Variants in VGLL4 observed in about 807,000 individuals in gnomAD.
VGLL4 encodes vestigial like family member 4, also known as transcription cofactor vestigial-like protein 4.
In VGLL4, 7 loss-of-function variants were observed where a neutral mutation model predicts 21.0. The observed-to-expected ratio is 0.33, with a 90% CI of 0.19 to 0.63. VGLL4 has a LOEUF of 0.63. Ranked by LOEUF, VGLL4 falls within the 20% of genes least tolerant of loss-of-function variation. VGLL4 has a pLI of 0.78. For missense variants in VGLL4, 394 were observed against 425.7 expected (o/e 0.93, Z 0.66); for synonymous variants, 222 against 173.2 (o/e 1.28, Z -2.21).
At chr3:11,717,087 A>G (rs887803399) in intron 1 of VGLL4, among the ~76,000 whole-genome samples, 13 of 152,006 alleles carry the variant, frequency 8.6e-5, no homozygotes, top group African/African-American at 3.1e-4. Flanking sequence ...CAAGAAGGCA[A>G]TACCCTGCCT....
intron 1 of VGLL4, chr3:11,610,781 T>C (rs2075046156): frequency 6.6e-6 from 1 of 152,226 alleles, no homozygotes; most frequent in African/African-American, 2.4e-5. Context: ...TTTCAAGGAA[T>C]CTAAATCATT....
At chr3:11,643,040 G>C (rs2075726550) in intron 1 of VGLL4, among the ~76,000 whole-genome samples, 1 of 152,202 alleles carries the variant, frequency 6.6e-6, no homozygotes, top group East Asian at 1.9e-4. Flanking sequence ...CCACAGCAGG[G>C]TACAGTAGAC....
intron 2 of VGLL4, among the ~76,000 whole-genome samples, chr3:11,579,382 C>T (rs2074159518): frequency 6.6e-6 from 1 of 152,188 alleles, no homozygotes; most frequent in Non-Finnish European, 1.5e-5. Flanking sequence ...AAAAACAGTA[C>T]TGAGAGCCTA....
chr3:11,591,163 G>A (rs1474021452), intron 2 of VGLL4, among the ~76,000 whole-genome samples: 1 of 152,188 alleles, frequency 6.6e-6, no homozygotes, highest in African/African-American at 2.4e-5. Context: ...AGAATCCTGG[G>A]TTGTTTTGTT....
At chr3:11,642,687 G>A (rs1445928277) in intron 1 of VGLL4, among the ~76,000 whole-genome samples, 3 of 152,248 alleles carry the variant, frequency 2.0e-5, no homozygotes, top group Non-Finnish European at 4.4e-5. Context: ...ACCAGAGACA[G>A]TTGGAAATAC....
chr3:11,558,259 G>A lies in VGLL4; in HGVS notation c.*297C>T, dbSNP rs7355828. ...GAAAGCGCTGTGGAGTCCTGGCCCC[G>A]TCGGGGCAGCAGACCTGCATCAGAG... is the stretch of plus-strand genomic sequence containing the variant. On this transcript the variant is annotated 3_prime_UTR_variant, in exon 5 of 5. Transcript: ENST00000430365. The A allele has an allele frequency of 0.022, 10,419 of 479,966 alleles. 206 individuals carry two copies. Among genetic ancestry groups the A allele is most frequent in the Middle Eastern group, 0.053 (96 of 1,808 alleles). The allele number at this position is 479,966 out of a possible 1,614,324, so 29.7% of individuals were successfully genotyped here.
chr3:11,712,570 T>C (rs941696724), intron 1 of VGLL4, among the ~76,000 whole-genome samples: 8 of 151,382 alleles, frequency 5.3e-5, no homozygotes, highest in African/African-American at 1.2e-4. Flanking sequence ...TTCTACAGAT[T>C]AAAAAAAAAG....
At chr3:11,636,080 A>C (rs2075581428) in intron 1 of VGLL4, among the ~76,000 whole-genome samples, 1 of 152,258 alleles carries the variant, frequency 6.6e-6, no homozygotes. Flanking sequence ...CTGACATTAA[A>C]ATAGAATTTT....
intron 2 of VGLL4, among the ~76,000 whole-genome samples, chr3:11,696,356 TG>T (rs2076606775): frequency 6.6e-6 from 1 of 152,246 alleles, no homozygotes; most frequent in Non-Finnish European, 1.5e-5. Flanking sequence ...TCACTCCCTT[TG>T]GTGAAACCTA....
At chr3:11,671,489 A>G in intron 2 of VGLL4, 1 of 658,388 alleles carries the variant, frequency 1.5e-6, no homozygotes, top group Non-Finnish European at 2.8e-6. Context: ...GTGTACAAAA[A>G]TCCATGCATA....
chr3:11,656,387 G>A (rs1018283191), intron 2 of VGLL4, among the ~76,000 whole-genome samples: 1 of 152,210 alleles, frequency 6.6e-6, no homozygotes, highest in Non-Finnish European at 1.5e-5. Context: ...GATCCACGGT[G>A]ACATATAAGG....
intron 2 of VGLL4, among the ~76,000 whole-genome samples, chr3:11,577,757 C>T (rs2074096960): frequency 6.6e-6 from 1 of 152,226 alleles, no homozygotes; most frequent in African/African-American, 2.4e-5. Context: ...CTACCTCCTT[C>T]CTAAAGGTTC....
intron 2 of VGLL4, among the ~76,000 whole-genome samples, chr3:11,598,150 A>G (rs757067136): frequency 8.6e-5 from 13 of 152,020 alleles, no homozygotes; most frequent in Non-Finnish European, 1.6e-4. Context: ...CAGCCTCCTG[A>G]GTAGCTGGGA....
At chr3:11,702,376 G>A (rs1190620407) in intron 2 of VGLL4, among the ~76,000 whole-genome samples, 26 of 150,492 alleles carry the variant, frequency 1.7e-4, no homozygotes, top group Admixed American at 1.3e-3. Flanking sequence ...TTGGGAGGCC[G>A]AGGTAGACGG....
rs1243437788 is a variant in VGLL4, at chr3:11,573,235, AAAAGAAATAGAG to A, written c.273-8228_273-8217del. Reference sequence around the variant, plus strand: ...GAGAGAGAGAAAGACAGACAGAAAGAAAAGAAATAGAGAAAGAAAGAAAGAAAGAAAGAAAGA... The same window carrying A: ...GAGAGAGAGAAAGACAGACAGAAAGAAAAGAAAGAAAGAAAGAAAGAAAGA... On this transcript the variant is annotated intron_variant, in intron 2 of 4. Transcript: ENST00000430365. Among the ~76,000 whole-genome samples the A allele has an allele frequency of 1.8e-3, 213 of 119,240 alleles. 26 individuals carry two copies. Among genetic ancestry groups the A allele is most frequent in the Admixed American group, 0.015 (163 of 10,918 alleles). The allele number at this position is 119,240 out of a possible 152,430, so 78.2% of individuals were successfully genotyped here. A position where few individuals can be genotyped will look rare whatever the true frequency, so the allele number is the denominator to read the frequency against.
At chr3:11,577,897 G>A (rs932446591) in intron 2 of VGLL4, among the ~76,000 whole-genome samples, 2 of 152,134 alleles carry the variant, frequency 1.3e-5, no homozygotes, top group African/African-American at 4.8e-5. Flanking sequence ...ACCTTGCCAT[G>A]CCCAGAATTC....
rs183556527 is a variant in VGLL4, at chr3:11,616,446, C to T, written c.83-14424G>A. Reference sequence around the variant, plus strand: ...CCACTTCCTAGACCCAGCTCATTCCCTAGGGCCTCCTTTCCTTTCCTAGAG... The same window carrying T: ...CCACTTCCTAGACCCAGCTCATTCCTTAGGGCCTCCTTTCCTTTCCTAGAG... On this transcript the variant is annotated intron_variant, in intron 1 of 4. Transcript: ENST00000430365. 2.7e-3 allele frequency among the ~76,000 whole-genome samples: 407 copies of T among 152,312 alleles called. 4 individuals carry two copies. The highest frequency in any genetic ancestry group is 9.5e-3 in the African/African-American group (394 of 41,566).
intron 1 of VGLL4, among the ~76,000 whole-genome samples, chr3:11,626,058 A>AG (rs1553733167): frequency 6.6e-6 from 1 of 152,246 alleles, no homozygotes; most frequent in African/African-American, 2.4e-5. Flanking sequence ...ATTATATCTC[A>AG]GCAAAGCTGT....
chr3:11,696,815 T>C (rs2125399073), intron 2 of VGLL4, among the ~76,000 whole-genome samples: 1 of 152,326 alleles, frequency 6.6e-6, no homozygotes, highest in Admixed American at 6.5e-5. Context: ...CACAGTTCAC[T>C]GCAGCCTAGT....
Sources: gnomAD v4.1 joint callset for allele counts (sites outside exome capture counted in the v4.1 genomes callset) on GRCh38, gnomAD v4.1.1 for gene constraint, MANE v1.5 for transcripts, NCBI Gene and HGNC (gene_info 2026-07-23, HGNC 2026-07-21) for gene names.